The following MARCHF4 variants were observed in gnomAD, a reference collection of about 807,000 sequenced individuals.
MARCHF4 encodes membrane associated ring-CH-type finger 4.
A neutral mutation model predicts 43.9 loss-of-function variants in MARCHF4; 14 were observed. The ratio of observed to expected loss-of-function variants is 0.32; its 90% CI spans 0.21 to 0.50. The LOEUF (loss-of-function observed/expected upper bound fraction) is 0.50. MARCHF4 is among the 20% of genes least tolerant of loss of function. The probability of loss-of-function intolerance (pLI) is 0.98; values close to 1 mark genes in which losing one functional copy is unlikely to be tolerated. For missense variants in MARCHF4, 468 were observed against 536.7 expected, an observed-to-expected ratio of 0.87 and a Z score of 1.27; for synonymous variants, 226 against 213.3, an observed-to-expected ratio of 1.06 and a Z score of -0.52.
intron 1 of MARCHF4, among the ~76,000 whole-genome samples, chr2:216,342,562 T>C (rs1486099803): frequency 6.6e-6 from 1 of 151,914 alleles, no homozygotes; most frequent in East Asian, 1.9e-4. Context: ...CCTGCAGGAA[T>C]GGTGGGAAGG....
At chr2:216,320,339 G>A (rs1025072066) in intron 1 of MARCHF4, among the ~76,000 whole-genome samples, 1 of 152,192 alleles carries the variant, frequency 6.6e-6, no homozygotes, top group Non-Finnish European at 1.5e-5. Flanking sequence ...TCCAGTGATT[G>A]AGTCCTTACT....
intron 2 of MARCHF4, among the ~76,000 whole-genome samples, chr2:216,282,913 TCTGTCC>T (rs1283129055): frequency 6.6e-6 from 1 of 152,218 alleles, no homozygotes; most frequent in Admixed American, 6.5e-5. Flanking sequence ...TGTTTTTCCC[TCTGTCC>T]CTTGCCATTG....
chr2:216,305,564 C>T (rs1691573226), intron 1 of MARCHF4, among the ~76,000 whole-genome samples: 1 of 152,142 alleles, frequency 6.6e-6, no homozygotes, highest in Non-Finnish European at 1.5e-5. Flanking sequence ...GACAAAAGAG[C>T]CAGCCTGGGG....
At chr2:216,360,525 G>T (rs1692559064) in intron 1 of MARCHF4, among the ~76,000 whole-genome samples, 1 of 132,992 alleles carries the variant, frequency 7.5e-6, no homozygotes, top group African/African-American at 2.8e-5. Context: ...AATCTGAAAA[G>T]GCTACACACT....
intron 3 of MARCHF4, among the ~76,000 whole-genome samples, chr2:216,266,332 C>A (rs1349788811): frequency 2.0e-5 from 3 of 152,094 alleles, no homozygotes; most frequent in Non-Finnish European, 4.4e-5. Context: ...GGTACTGTGC[C>A]TGGGACACAT....
chr2:216,354,931 CT>C (rs1418619270), intron 1 of MARCHF4, among the ~76,000 whole-genome samples: 2 of 132,144 alleles, frequency 1.5e-5, no homozygotes, highest in South Asian at 5.4e-4. Context: ...TTCTTTCTTT[CT>C]TTCTTTCTTT....
intron 1 of MARCHF4, among the ~76,000 whole-genome samples, chr2:216,308,759 A>C (rs895009136): frequency 2.0e-5 from 3 of 152,206 alleles, no homozygotes; most frequent in African/African-American, 7.2e-5. Context: ...TATCATTCAT[A>C]GCTCATTAAC....
At chr2:216,312,013 C>T (rs187527030) in intron 1 of MARCHF4, among the ~76,000 whole-genome samples, 58 of 152,210 alleles carry the variant, frequency 3.8e-4, no homozygotes, top group African/African-American at 1.1e-3. Context: ...AGAATACATA[C>T]GCATGTTTGT....
intron 1 of MARCHF4, among the ~76,000 whole-genome samples, chr2:216,288,015 A>T (rs1691245167): frequency 6.6e-6 from 1 of 152,024 alleles, no homozygotes; most frequent in Non-Finnish European, 1.5e-5. Flanking sequence ...GCTGGGGTGC[A>T]GAGTAGCATG....
intron 3 of MARCHF4, among the ~76,000 whole-genome samples, chr2:216,264,462 T>C (rs1327668300): frequency 6.6e-6 from 1 of 152,226 alleles, no homozygotes; most frequent in Non-Finnish European, 1.5e-5. Context: ...TGTGTACCTA[T>C]GCACCCTTGG....
In MARCHF4 at chr2:216,370,131, T is replaced by C. The variant is rs1410758764; in HGVS notation, c.130A>G (p.Met44Val). The change falls in exon 1 of 4, where the codon ATG becomes GTG. Residue 44 changes from methionine (M) to valine (V), a missense_variant. Met to Val is a conservative substitution (Grantham distance 21, BLOSUM62 1). Around this residue, in one of 3 missense-constraint regions of MARCHF4, gnomAD observed 190 missense variants for 158.5 expected, o/e 1.20. Coordinates refer to ENST00000273067, the MANE Select transcript of MARCHF4 (RefSeq NM_020814.3). ...AAAACCTTCAGGTCATTGAAGAGCA[T>C]GCGGCAGCGGCACTTGAGGAGACCC... is the stretch of plus-strand genomic sequence containing the variant. ...HQGLLKCRCR[M>V]LFNDLKVFLL... 6.2e-7 allele frequency: 1 copy of C among 1,606,556 alleles called. No homozygotes were observed. Among genetic ancestry groups the C allele is most frequent in the East Asian group, 2.2e-5 (1 of 44,644 alleles).
chr2:216,365,084 A>G (rs546625511), intron 1 of MARCHF4, among the ~76,000 whole-genome samples: 33 of 152,270 alleles, frequency 2.2e-4, no homozygotes, highest in Middle Eastern at 3.4e-3. Context: ...GTAAAATCAA[A>G]CCATAGCACT....
At chr2:216,306,674 A>G (rs1691591941) in intron 1 of MARCHF4, among the ~76,000 whole-genome samples, 1 of 152,184 alleles carries the variant, frequency 6.6e-6, no homozygotes, top group Non-Finnish European at 1.5e-5. Context: ...CATCAAGTAA[A>G]CATTATCTCA....
intron 3 of MARCHF4, among the ~76,000 whole-genome samples, 169 bp downstream of exon 3, chr2:216,277,503 C>A (rs1691045121): frequency 6.6e-6 from 1 of 152,178 alleles, no homozygotes; most frequent in African/African-American, 2.4e-5. Context: ...CCTCCTCCCC[C>A]TTCCCATCCA....
chr2:216,323,682 T>C (rs1186946385), intron 1 of MARCHF4, among the ~76,000 whole-genome samples: 1 of 152,038 alleles, frequency 6.6e-6, no homozygotes, highest in African/African-American at 2.4e-5. Context: ...CTCAACTACA[T>C]GGAAACTGAA....
chr2:216,369,314 C>T (rs1166958359), intron 1 of MARCHF4, among the ~76,000 whole-genome samples: 1 of 152,170 alleles, frequency 6.6e-6, no homozygotes, highest in East Asian at 1.9e-4. Flanking sequence ...AACAAGATCT[C>T]GGCATACTCT....
intron 1 of MARCHF4, among the ~76,000 whole-genome samples, chr2:216,329,427 C>T (rs1692050111): frequency 6.6e-6 from 1 of 152,036 alleles, no homozygotes. Context: ...AGGTAGTTGA[C>T]AGGTTTAAAC....
intron 1 of MARCHF4, among the ~76,000 whole-genome samples, chr2:216,342,544 C>T (rs1008633494): frequency 2.0e-5 from 3 of 152,058 alleles, no homozygotes; most frequent in Non-Finnish European, 4.4e-5. Context: ...TGAGATGGGC[C>T]TAGGATGCCT....
chr2:216,270,313 T>A (rs747532440), intron 3 of MARCHF4, among the ~76,000 whole-genome samples: 3 of 152,142 alleles, frequency 2.0e-5, no homozygotes, highest in Non-Finnish European at 4.4e-5. Context: ...TTGTTTCAAG[T>A]GATCCTCCTG....
Sources: gnomAD v4.1 joint callset for allele counts (sites outside exome capture counted in the v4.1 genomes callset) on GRCh38, gnomAD v4.1.1 for gene constraint, gnomAD v4.1.1 regional missense constraint, MANE v1.5 for transcripts, NCBI Gene and HGNC (gene_info 2026-07-23, HGNC 2026-07-21) for gene names.